ITGA8: variants seen among roughly 807,000 people sequenced by gnomAD.
ITGA8 encodes the protein integrin subunit alpha 8, also known as integrin alpha-8.
ITGA8 carries 91 observed loss-of-function variants against 142.3 expected under a neutral mutation model. The observed-to-expected ratio is 0.64, with a 90% CI of 0.54 to 0.76. ITGA8 has a LOEUF of 0.76. Among genes scored for constraint, ITGA8 ranks in the 30% least tolerant of loss-of-function variants. The pLI is 0.00. For missense variants in ITGA8, 1,406 were observed against 1,327.7 expected (o/e 1.06, Z -0.92); for synonymous variants, 505 against 485.2 (o/e 1.04, Z -0.54).
chr10:15,652,817 A>C (rs537405485), intron 11 of ITGA8, among the ~76,000 whole-genome samples: 1 of 152,290 alleles, frequency 6.6e-6, no homozygotes, highest in South Asian at 2.1e-4. Flanking sequence ...ACTGCCCTCC[A>C]AGCCACTGTC....
In ITGA8 at chr10:15,560,226, C is replaced by G. The variant is rs527673036; in HGVS notation, c.2638-2024G>C. The stretch of plus-strand genomic sequence containing the variant: ...CCCAGGAGTTCAAGACTGCAGTGAG[C>G]TACGATCATGCCACTGAATTCTCAG... On this transcript the variant is annotated intron_variant, in intron 25 of 29. Transcript: ENST00000378076. Among the ~76,000 whole-genome samples the G allele has an allele frequency of 9.9e-5, 15 of 152,128 alleles. No individual in the cohort carries two copies. The East Asian group carries it at 2.1e-3, about 22-fold the overall frequency.
At chr10:15,678,862 G>C in intron 4 of ITGA8, 79 bp from the exon 5 acceptor site, 1 of 850,748 alleles carries the variant, frequency 1.2e-6, no homozygotes, top group East Asian at 2.7e-5. Context: ...AGGATATTAT[G>C]TTATTTTCTC....
At chr10:15,590,050 A>G (rs1260143653) in intron 22 of ITGA8, among the ~76,000 whole-genome samples, 1 of 152,264 alleles carries the variant, frequency 6.6e-6, no homozygotes, top group Non-Finnish European at 1.5e-5. Context: ...GGCGTGAGCC[A>G]CTGTGCCCAG....
intron 2 of ITGA8, among the ~76,000 whole-genome samples, chr10:15,703,996 G>A (rs941502730): frequency 6.6e-6 from 1 of 152,206 alleles, no homozygotes; most frequent in East Asian, 1.9e-4. Context: ...TGTGAGATCA[G>A]AGGATGTCTG....
chr10:15,615,772 C>G (rs892869747), intron 14 of ITGA8, among the ~76,000 whole-genome samples: 3 of 152,140 alleles, frequency 2.0e-5, no homozygotes, highest in Admixed American at 2.0e-4. Context: ...CCTCGGCCCC[C>G]CAAAGTGCTG....
At chr10:15,682,039 G>T (rs1302165747) in intron 4 of ITGA8, among the ~76,000 whole-genome samples, 2 of 152,110 alleles carry the variant, frequency 1.3e-5, no homozygotes, top group Non-Finnish European at 2.9e-5. Flanking sequence ...GTTGGTTGTT[G>T]CCTGAGTCCG....
At chr10:15,652,353 G>T (rs17302807) in intron 11 of ITGA8, among the ~76,000 whole-genome samples, 9,044 of 152,186 alleles carry the variant, frequency 0.059, 364 homozygotes, top group Non-Finnish European at 0.076. Flanking sequence ...CACATGGAAT[G>T]AATCCGTGCA....
In ITGA8 at chr10:15,713,480, T is replaced by C. The variant is rs1428914102; in HGVS notation, c.343+5286A>G. 5.9e-5 allele frequency among the ~76,000 whole-genome samples: 9 copies of C among 152,346 alleles called. No individual in the cohort carries two copies. In the East Asian group the frequency reaches 1.7e-3, roughly 29 times the overall value. ...TTAGAGCACAGATTTCTCCTGTCCC[T>C]AAGTCCTATCACATTTATGTTATTT... is the stretch of plus-strand genomic sequence containing the variant. On this transcript the variant is annotated intron_variant, in intron 2 of 29. Transcript: ENST00000378076.
intron 25 of ITGA8, among the ~76,000 whole-genome samples, chr10:15,567,565 C>G (rs1225215911): frequency 6.6e-6 from 1 of 152,226 alleles, no homozygotes; most frequent in Non-Finnish European, 1.5e-5. Flanking sequence ...CGGGCATCTG[C>G]TTATGCCCCT....
At chr10:15,611,894 C>T (rs914534647) in intron 15 of ITGA8, among the ~76,000 whole-genome samples, 2 of 151,778 alleles carry the variant, frequency 1.3e-5, no homozygotes, top group Non-Finnish European at 2.9e-5. Context: ...TTCAAAACAA[C>T]AACATTCTAT....
At chr10:15,575,389 CAATAAT>C (rs903624537) in intron 24 of ITGA8, 94 bp downstream of exon 24, 2 of 877,992 alleles carry the variant, frequency 2.3e-6, no homozygotes, top group Non-Finnish European at 1.9e-6. Context: ...GATCCTGTCT[CAATAAT>C]AATAATGATA....
At chr10:15,699,654 G>A (rs182566469) in intron 2 of ITGA8, among the ~76,000 whole-genome samples, 33 of 152,176 alleles carry the variant, frequency 2.2e-4, no homozygotes, top group African/African-American at 7.7e-4. Context: ...CCACCTCCAT[G>A]TGCCTATGTA....
At chr10:15,534,937 C>A (rs1833390474) in intron 27 of ITGA8, among the ~76,000 whole-genome samples, 1 of 152,196 alleles carries the variant, frequency 6.6e-6, no homozygotes, top group Admixed American at 6.5e-5. Context: ...GAGGCCGGAG[C>A]CGGCTCCCTC....
rs370495039 is a variant in ITGA8 at position 15,531,876 on chromosome 10, C to T, written c.2881-725G>A. Among the ~76,000 whole-genome samples the T allele has an allele frequency of 3.9e-4, 60 of 152,120 alleles. 1 individual carries two copies. The highest frequency in any genetic ancestry group is 1.3e-3 in the African/African-American group (55 of 41,496). ...AGCAGAATCGCTTGAACCTGGGGGGCGCAGGTTGCAGTGAGCTGAGAGCAC... is the reference window on the plus strand; with the variant it reads ...AGCAGAATCGCTTGAACCTGGGGGGTGCAGGTTGCAGTGAGCTGAGAGCAC... On this transcript the variant is annotated intron_variant, in intron 27 of 29. Transcript: ENST00000378076.
At chr10:15,683,921 G>C in intron 4 of ITGA8, 83 bp downstream of exon 4, 1 of 1,499,416 alleles carries the variant, frequency 6.7e-7, no homozygotes, top group South Asian at 1.2e-5. Context: ...GTTATCAATG[G>C]TGTTTTGAGC....
chr10:15,669,786 C>A (rs921420977), intron 8 of ITGA8, among the ~76,000 whole-genome samples: 1 of 152,156 alleles, frequency 6.6e-6, no homozygotes, highest in African/African-American at 2.4e-5. Flanking sequence ...CACTCCAGAC[C>A]CTGTTTTCCT....
intron 2 of ITGA8, among the ~76,000 whole-genome samples, chr10:15,711,210 C>T (rs1327605272): frequency 6.6e-6 from 1 of 152,174 alleles, no homozygotes; most frequent in Non-Finnish European, 1.5e-5. Flanking sequence ...TCTTATCAAA[C>T]ACATTCGGAA....
chr10:15,528,050 G>A (rs890207935), intron 28 of ITGA8, among the ~76,000 whole-genome samples: 2 of 151,580 alleles, frequency 1.3e-5, no homozygotes, highest in Non-Finnish European at 2.9e-5. Context: ...TGAGTAGCTG[G>A]GACTACAGGC....
At chr10:15,559,386 C>T (rs1301965388) in intron 25 of ITGA8, among the ~76,000 whole-genome samples, 1 of 152,190 alleles carries the variant, frequency 6.6e-6, no homozygotes, top group African/African-American at 2.4e-5. Flanking sequence ...CCTAAGCTGC[C>T]TGCCAGCTGG....
Sources: allele counts gnomAD v4.1 joint callset (sites outside exome capture counted in the v4.1 genomes callset), GRCh38; gene constraint gnomAD v4.1.1; transcripts MANE v1.5; gene names NCBI Gene and HGNC (gene_info 2026-07-23, HGNC 2026-07-21).